ADGRG4: variants seen among roughly 807,000 people sequenced by gnomAD.
The protein encoded by ADGRG4 is G protein-coupled receptor 112.
Under a neutral mutation model 126.2 loss-of-function variants are expected in ADGRG4, and 122 were observed. The observed-to-expected ratio is 0.97, with a 90% CI of 0.83 to 1.12. The LOEUF (loss-of-function observed/expected upper bound fraction) is 1.12, where lower values mean the gene tolerates loss of function less well. ADGRG4 is among the 50% of genes most tolerant of loss of function. ADGRG4 has a pLI of 0.00. For synonymous variants in ADGRG4, 943 were observed against 838.7 expected (o/e 1.12, Z -2.15); for missense variants, 2,481 against 2,251.8 (o/e 1.10, Z -2.06).
At chrX:136,406,787 T>C (rs891469011) in intron 23 of ADGRG4, among the ~76,000 whole-genome samples, 2 of 110,409 alleles carry the variant, frequency 1.8e-5, no homozygotes, top group Non-Finnish European at 3.8e-5. Flanking sequence ...TGGTGGTGTG[T>C]GCCTGTAGTC....
chrX:136,320,198 G>A (rs1603291608), intron 4 of ADGRG4, among the ~76,000 whole-genome samples: 1 of 111,721 alleles, frequency 9.0e-6, no homozygotes, highest in East Asian at 2.8e-4. Context: ...AGACATACAG[G>A]TTCGTCAATT....
intron 12 of ADGRG4, among the ~76,000 whole-genome samples, chrX:136,363,119 A>G (rs1161097088): frequency 2.7e-5 from 3 of 111,709 alleles, no homozygotes; most frequent in African/African-American, 9.8e-5. Context: ...TTCGAACAGG[A>G]ATTTCCCCTT....
At chrX:136,378,043 G>A (rs890603414) in intron 15 of ADGRG4, among the ~76,000 whole-genome samples, 2 of 111,051 alleles carry the variant, frequency 1.8e-5, no homozygotes, top group African/African-American at 6.5e-5. Context: ...GATTTGGATT[G>A]AGTTGAAGTT....
At chrX:136,312,924 G>A (rs1049654550) in intron 4 of ADGRG4, among the ~76,000 whole-genome samples, 1 of 112,125 alleles carries the variant, frequency 8.9e-6, no homozygotes, top group Non-Finnish European at 1.9e-5. Flanking sequence ...AGCCTTTTGT[G>A]ACTGGCTTCT....
chrX:136,413,728 GTT>G (rs1421497362), intron 24 of ADGRG4, among the ~76,000 whole-genome samples: 1 of 101,491 alleles, frequency 9.9e-6, no homozygotes, highest in African/African-American at 3.7e-5. Flanking sequence ...TTGTTTTTTT[GTT>G]TTTGTTTTTG....
At chrX:136,315,856 A>G (rs762833665) in intron 4 of ADGRG4, among the ~76,000 whole-genome samples, 1 of 112,001 alleles carries the variant, frequency 8.9e-6, no homozygotes, top group South Asian at 3.8e-4. Context: ...GAAGGCAGAT[A>G]TCGGGGTCAT....
chrX:136,351,041 A>G (rs1569325488), intron 6 of ADGRG4, among the ~76,000 whole-genome samples: 1 of 111,841 alleles, frequency 8.9e-6, no homozygotes, highest in African/African-American at 3.3e-5. Context: ...AAGGGAAAAA[A>G]GGAGAGAAAA....
At chrX:136,305,160 T>G (rs755077224) in intron 3 of ADGRG4, 137 bp downstream of exon 3, 1 of 112,097 alleles carries the variant, frequency 8.9e-6, no homozygotes, top group Admixed American at 9.4e-5. Flanking sequence ...TATTCACTAC[T>G]CTGATAACAG....
chrX:136,385,924 A>G (rs1189143010), intron 15 of ADGRG4, among the ~76,000 whole-genome samples: 4 of 111,770 alleles, frequency 3.6e-5, no homozygotes, highest in Admixed American at 2.8e-4. Context: ...CCCGCTTTCC[A>G]TTCCAGATGT....
chrX:136,383,766 A>G (rs1175462631), intron 15 of ADGRG4, among the ~76,000 whole-genome samples: 1 of 109,987 alleles, frequency 9.1e-6, no homozygotes. Flanking sequence ...AATATTTATT[A>G]TAGTTGCTTT....
chrX:136,373,104 C>T (rs2075204727), intron 15 of ADGRG4, 40 bp downstream of exon 15: 4 of 1,125,786 alleles, frequency 3.6e-6, no homozygotes, highest in Middle Eastern at 2.5e-4. Context: ...ATCAGCCAAG[C>T]ACTGTTTCAG....
Position 136,348,991 on chromosome X carries a change from C to T in ADGRG4, c.5285C>T (p.Ser1762Phe). ...SPTHADSLHT[S>F]FNIQVSPSLT... The stretch of plus-strand genomic sequence containing the variant: ...ACTCATGCAGATAGTCTCCATACTT[C>T]CTTCAATATTCAGGTTTCCCCATCT... Residue 1762 changes from serine to phenylalanine, a missense_variant, in exon 6 of 26, where the codon TCC (serine) becomes TTC (phenylalanine). Physicochemically the swap from Ser to Phe is radical, Grantham distance 155. Coordinates refer to ENST00000394143, the MANE Select transcript of ADGRG4 (RefSeq NM_153834.4). The T allele has an allele frequency of 1.7e-6, 2 of 1,208,533 alleles. No homozygotes were observed. Among genetic ancestry groups the T allele is most frequent in the South Asian group, 3.5e-5 (2 of 56,903 alleles).
chrX:136,383,813 CCTTT>C (rs373849599), intron 15 of ADGRG4, among the ~76,000 whole-genome samples: 6,644 of 59,285 alleles, frequency 0.11, 491 homozygotes, highest in East Asian at 0.18. Flanking sequence ...TATATATTTG[CCTTT>C]CTTTCTTTCT....
intron 24 of ADGRG4, 134 bp downstream of exon 24, chrX:136,412,500 A>G (rs768156372): frequency 2.1e-6 from 1 of 476,030 alleles, no homozygotes; most frequent in Non-Finnish European, 3.7e-6. Context: ...CATAAAAATG[A>G]TTTGTGCTTT....
rs767988462 is a variant in ADGRG4 at position 136,346,039 on chromosome X, C to T, written c.2333C>T (p.Pro778Leu). 1 of 1,205,627 alleles carries T rather than the reference C, an allele frequency of 8.3e-7. No individual in the cohort carries two copies. The highest frequency in any genetic ancestry group is 2.2e-5 in the Admixed American group (1 of 45,699). ...CCTGCAAATGAACTTCCTTTGACAC[C>T]AAGGGAGACTGTTGTTCCATCAGTA... ...TKPANELPLT[P>L]RETVVPSVDI... is the part of the protein sequence containing the mutation. The change falls in exon 6 of 26, where the codon CCA (proline) becomes CTA (leucine). Residue 778 changes from proline (P) to leucine (L), a missense_variant. Transcript: ENST00000394143.
Position 136,366,954 on chromosome X carries a change from A to G in ADGRG4, c.7396+3359A>G, listed in dbSNP as rs753720531. Among the ~76,000 whole-genome samples, 5 of 111,087 alleles carry G rather than the reference A, an allele frequency of 4.5e-5. No homozygotes were observed. The South Asian group carries it at 1.9e-3, about 43-fold the overall frequency. Reference sequence around the variant, plus strand: ...GCCTTTGGGAGGGGATTAGGTCATGAGGGTGGAACCTTCATGAATGAGATT... The same window carrying G: ...GCCTTTGGGAGGGGATTAGGTCATGGGGGTGGAACCTTCATGAATGAGATT... On this transcript the variant is annotated intron_variant, in intron 13 of 25. Coordinates refer to ENST00000394143, the MANE Select transcript of ADGRG4 (RefSeq NM_153834.4).
intron 15 of ADGRG4, among the ~76,000 whole-genome samples, chrX:136,381,872 A>G (rs1384706775): frequency 5.4e-5 from 6 of 111,382 alleles, no homozygotes; most frequent in Non-Finnish European, 1.9e-5. Context: ...CACAGGAGAA[A>G]GATGCAGGCT....
At chrX:136,303,380 G>T (rs768788170) in intron 1 of ADGRG4, among the ~76,000 whole-genome samples, 13 of 111,775 alleles carry the variant, frequency 1.2e-4, no homozygotes, top group African/African-American at 4.2e-4. Context: ...TTGAGCCTGG[G>T]AGGTGGAGGC....
At chrX:136,414,085 T>A in intron 24 of ADGRG4, 75 bp from the exon 25 acceptor site, 14 of 865,053 alleles carry the variant, frequency 1.6e-5, no homozygotes, top group Non-Finnish European at 2.3e-5. Flanking sequence ...GTAATTTATA[T>A]ACCATACAAT....
Sources: gnomAD v4.1 joint callset for allele counts (sites outside exome capture counted in the v4.1 genomes callset) on GRCh38, gnomAD v4.1.1 for gene constraint, MANE v1.5 for transcripts, NCBI Gene and HGNC (gene_info 2026-07-23, HGNC 2026-07-21) for gene names.